ZNF536: variants seen among roughly 807,000 people sequenced by gnomAD.
The protein encoded by ZNF536 is zinc finger protein 536.
ZNF536 carries 13 observed loss-of-function variants against 84.5 expected under a neutral mutation model. That is an observed-to-expected ratio of 0.15 (90% CI 0.10 to 0.24). The LOEUF (loss-of-function observed/expected upper bound fraction) is 0.24. Ranked by LOEUF, ZNF536 falls within the 10% of genes least tolerant of loss-of-function variation. ZNF536 has a pLI of 1.00. For missense variants in ZNF536, 1,536 were observed against 1,747.5 expected, an observed-to-expected ratio of 0.88 and a Z score of 2.16; for synonymous variants, 811 against 742.5, an observed-to-expected ratio of 1.09 and a Z score of -1.50.
intron 1 of ZNF536, among the ~76,000 whole-genome samples, chr19:30,396,852 G>T (rs555934177): frequency 2.6e-5 from 4 of 152,086 alleles, no homozygotes; most frequent in Admixed American, 6.5e-5. Context: ...TGATCTGCCC[G>T]CCTTGGCCTC....
chr19:30,300,913 T>C (rs2046160590), intron 2 of ZNF536, among the ~76,000 whole-genome samples: 2 of 152,216 alleles, frequency 1.3e-5, no homozygotes, highest in Non-Finnish European at 2.9e-5. Context: ...ACTAGCTCCA[T>C]GACCTTGGTC....
chr19:30,625,184 T>C (rs998592486), intron 1 of ZNF536, among the ~76,000 whole-genome samples: 1 of 152,110 alleles, frequency 6.6e-6, no homozygotes, highest in Non-Finnish European at 1.5e-5. Context: ...TGAGCATAGG[T>C]AACCAAGCAC....
intron 1 of ZNF536, among the ~76,000 whole-genome samples, chr19:30,423,958 AG>A (rs2051099705): frequency 6.6e-6 from 1 of 151,966 alleles, no homozygotes; most frequent in African/African-American, 2.4e-5. Flanking sequence ...AAAAAAAGAC[AG>A]GGGGCAAGTT....
At chr19:30,594,678 T>C (rs1029888751) in intron 1 of ZNF536, among the ~76,000 whole-genome samples, 4 of 151,392 alleles carry the variant, frequency 2.6e-5, no homozygotes, top group Non-Finnish European at 5.9e-5. Context: ...GGGTGAGGGG[T>C]CCTGCTCCCC....
chr19:30,671,073 C>T (rs1280299011), intron 1 of ZNF536, among the ~76,000 whole-genome samples: 3 of 152,212 alleles, frequency 2.0e-5, no homozygotes, highest in Admixed American at 6.5e-5. Flanking sequence ...GCACGTGCTT[C>T]TGCATGTGAG....
intron 2 of ZNF536, among the ~76,000 whole-genome samples, chr19:30,529,231 T>C (rs1037650779): frequency 4.6e-5 from 7 of 152,204 alleles, no homozygotes; most frequent in Non-Finnish European, 1.0e-4. Flanking sequence ...AACAAAGTTT[T>C]AATATCCCAA....
intron 1 of ZNF536, among the ~76,000 whole-genome samples, chr19:30,615,202 C>T (rs924276518): frequency 3.3e-5 from 5 of 150,192 alleles, no homozygotes; most frequent in Non-Finnish European, 5.9e-5. Flanking sequence ...GTCTCGGCCT[C>T]CCAAAGTGCT....
intron 1 of ZNF536, among the ~76,000 whole-genome samples, chr19:30,402,794 AAAATATATAT>A (rs1228527139): frequency 3.1e-4 from 24 of 76,742 alleles, no homozygotes; most frequent in South Asian, 7.7e-4. Flanking sequence ...TTAAAATTAA[AAAATATATAT>A]ATATATATAT....
At chr19:30,492,534 A>G (rs1003671021) in intron 2 of ZNF536, among the ~76,000 whole-genome samples, 2 of 152,222 alleles carry the variant, frequency 1.3e-5, no homozygotes, top group African/African-American at 4.8e-5. Flanking sequence ...GTCAGATAGT[A>G]TTTATTATTA....
At chr19:30,551,324 G>A (rs1194951033) in intron 4 of ZNF536, among the ~76,000 whole-genome samples, 6 of 152,072 alleles carry the variant, frequency 3.9e-5, no homozygotes, top group Non-Finnish European at 7.4e-5. Flanking sequence ...TGCCTGGCTC[G>A]AGGAAGTTTG....
At chr19:30,560,356 A>G (rs2046118528), downstream of ZNF536, among the ~76,000 whole-genome samples, 1 of 151,680 alleles carries the variant, frequency 6.6e-6, no homozygotes, top group East Asian at 2.0e-4. Flanking sequence ...CCCTACGTGG[A>G]TATATAACAA....
chr19:30,693,731 T>C (rs571689795), intron 1 of ZNF536, among the ~76,000 whole-genome samples: 1 of 152,344 alleles, frequency 6.6e-6, no homozygotes, highest in South Asian at 2.1e-4. Context: ...AATTTTCTAT[T>C]GTTCACAGTA....
chr19:30,362,487 C>T (rs2048305667), intron 3 of ZNF536, among the ~76,000 whole-genome samples: 1 of 152,214 alleles, frequency 6.6e-6, no homozygotes, highest in Non-Finnish European at 1.5e-5. Context: ...ATTCTGGCCA[C>T]TTCCCTGCTG....
intron 1 of ZNF536, among the ~76,000 whole-genome samples, chr19:30,390,634 T>C (rs1290486345): frequency 6.6e-6 from 1 of 152,226 alleles, no homozygotes; most frequent in African/African-American, 2.4e-5. Context: ...GGTGCTTTTA[T>C]GTTTCCAAAT....
At chr19:30,478,473 G>A (rs564521778) in intron 2 of ZNF536, among the ~76,000 whole-genome samples, 1 of 152,216 alleles carries the variant, frequency 6.6e-6, no homozygotes, top group South Asian at 2.1e-4. Context: ...TCCTAGTGAA[G>A]CTCATGGGTT....
chr19:30,307,949 A>T (rs1248963853), intron 2 of ZNF536, among the ~76,000 whole-genome samples: 3 of 152,208 alleles, frequency 2.0e-5, no homozygotes, highest in African/African-American at 7.2e-5. Flanking sequence ...GCTTTCGATG[A>T]CTTAAACACA....
intron 1 of ZNF536, among the ~76,000 whole-genome samples, chr19:30,682,676 GC>G (rs1033034574): frequency 2.6e-5 from 4 of 152,292 alleles, no homozygotes; most frequent in African/African-American, 9.6e-5. Context: ...TTGCTTTCCT[GC>G]CCTCCCTCTC....
chr19:30,650,995 CA>C (rs1055184224), intron 1 of ZNF536, among the ~76,000 whole-genome samples: 1 of 152,198 alleles, frequency 6.6e-6, no homozygotes, highest in African/African-American at 2.4e-5. Flanking sequence ...ATGATCGAGG[CA>C]GACATAATTC....
At chr19:30,453,986 C>T (rs1385139340) in intron 2 of ZNF536, among the ~76,000 whole-genome samples, 2 of 152,238 alleles carry the variant, frequency 1.3e-5, no homozygotes, top group Admixed American at 6.5e-5. Context: ...CATGGGAGGC[C>T]GGCCCTCCCC....
Sources: allele counts gnomAD v4.1 joint callset (sites outside exome capture counted in the v4.1 genomes callset), GRCh38; gene constraint gnomAD v4.1.1; transcripts MANE v1.5; gene names NCBI Gene and HGNC (gene_info 2026-07-23, HGNC 2026-07-21).